Variants in GABRB3 observed in about 807,000 individuals in gnomAD.
The protein encoded by GABRB3 is gamma-aminobutyric acid receptor subunit beta-3.
GABRB3 carries 14 observed loss-of-function variants against 52.1 expected under a neutral mutation model. The observed-to-expected ratio is 0.27, with a 90% CI of 0.18 to 0.42. The LOEUF is 0.42. Ranked by LOEUF, GABRB3 falls within the 10% of genes least tolerant of loss-of-function variation. GABRB3 has a pLI of 1.00. For missense variants in GABRB3, 307 were observed against 609.1 expected (o/e 0.50, Z 5.22); for synonymous variants, 260 against 232.3 (o/e 1.12, Z -1.08).
intron 6 of GABRB3, among the ~76,000 whole-genome samples, chr15:26,568,841 A>T (rs1485464401): frequency 2.6e-5 from 4 of 152,004 alleles, no homozygotes; most frequent in Non-Finnish European, 5.9e-5. Context: ...GAGCAAGGCA[A>T]GTGTGGCCTT....
intron 4 of GABRB3, chr15:26,616,113 C>A: frequency 7.9e-7 from 1 of 1,269,448 alleles, no homozygotes; most frequent in Non-Finnish European, 1.0e-6. Flanking sequence ...CTGGCCCACT[C>A]CGGGCCTGCC....
At chr15:26,549,587 T>C (rs1439612939) in intron 8 of GABRB3, among the ~76,000 whole-genome samples, 1 of 152,142 alleles carries the variant, frequency 6.6e-6, no homozygotes, top group Admixed American at 6.5e-5. Flanking sequence ...TGGTGAGTTA[T>C]TTTCAGTTGC....
chr15:26,608,181 T>C (rs1056574875), intron 4 of GABRB3, among the ~76,000 whole-genome samples: 2 of 151,374 alleles, frequency 1.3e-5, no homozygotes, highest in African/African-American at 4.9e-5. Flanking sequence ...ACTTTCAATA[T>C]GATTTTTGCC....
intron 3 of GABRB3, among the ~76,000 whole-genome samples, chr15:26,771,535 G>A (rs1891143353): frequency 6.6e-6 from 1 of 152,176 alleles, no homozygotes; most frequent in South Asian, 2.1e-4. Context: ...TCCCTCCGCA[G>A]AAAACTAAAC....
chr15:26,725,889 A>G (rs532486291), intron 3 of GABRB3, among the ~76,000 whole-genome samples: 1 of 152,350 alleles, frequency 6.6e-6, no homozygotes, highest in East Asian at 1.9e-4. Context: ...TCACTATCTC[A>G]GCCACCCATG....
rs556390607 is a variant in GABRB3, at chr15:26,555,210, C to T, written c.1080+5722G>A. Reference sequence around the variant, plus strand: ...AAAACAAAACAAAACAAAAAACAACCAAGGAAAATGTCATGGAGGAAAACA... The same window carrying T: ...AAAACAAAACAAAACAAAAAACAACTAAGGAAAATGTCATGGAGGAAAACA... On this transcript the variant is annotated intron_variant, in intron 8 of 8. Transcript: ENST00000311550. Among the ~76,000 whole-genome samples the T allele has an allele frequency of 9.2e-5, 14 of 151,828 alleles. No individual in the cohort carries two copies. In the South Asian group the frequency reaches 2.7e-3, roughly 29 times the overall value.
upstream of GABRB3, chr15:26,773,615 C>A (rs1249415988): frequency 4.0e-5 from 61 of 1,537,050 alleles, no homozygotes; most frequent in Non-Finnish European, 5.2e-5. Flanking sequence ...CCGACGGTGC[C>A]TGCAGAACGC....
intron 3 of GABRB3, among the ~76,000 whole-genome samples, chr15:26,659,090 C>G (rs1887461725): frequency 6.6e-6 from 1 of 152,208 alleles, no homozygotes; most frequent in Non-Finnish European, 1.5e-5. Flanking sequence ...CCTTCAGATG[C>G]CTGTGATGGC....
chr15:26,773,504 C>T, upstream of GABRB3: 2 of 502,730 alleles, frequency 4.0e-6, no homozygotes, highest in East Asian at 3.8e-5. Context: ...CTACCCCGGC[C>T]GCCGAAGTTG....
intron 3 of GABRB3, among the ~76,000 whole-genome samples, chr15:26,687,235 A>G (rs768023536): frequency 1.1e-4 from 17 of 152,342 alleles, no homozygotes; most frequent in Non-Finnish European, 1.5e-4. Context: ...TATTTTAAGG[A>G]TATTTCACAA....
chr15:26,556,338 A>C (rs1056491751), intron 8 of GABRB3, among the ~76,000 whole-genome samples: 11 of 152,196 alleles, frequency 7.2e-5, no homozygotes, highest in African/African-American at 2.7e-4. Context: ...ATTTTCTTCC[A>C]GCTTCTAGTT....
intron 3 of GABRB3, among the ~76,000 whole-genome samples, chr15:26,634,692 C>T (rs1263423312): frequency 6.6e-6 from 1 of 151,868 alleles, no homozygotes; most frequent in Non-Finnish European, 1.5e-5. Flanking sequence ...TATAAGGGAG[C>T]AGATGTTCCA....
rs1491240523 is a variant in GABRB3, at chr15:26,554,173, A to ATAT, written c.1081-6040_1081-6039insATA. 1.5e-3 allele frequency among the ~76,000 whole-genome samples: 47 copies of ATAT among 31,386 alleles called. 3 individuals are homozygous for ATAT. Among genetic ancestry groups the ATAT allele is most frequent in the African/African-American group, 4.0e-3 (45 of 11,286 alleles). 20.6% of individuals were successfully genotyped at this position (31,386 alleles called of 152,430 possible). A position where few individuals can be genotyped will look rare whatever the true frequency, so the allele number is the denominator to read the frequency against. Reference sequence around the variant, plus strand: ...ATATATATATAAAGTATATATATATAAAGTATATATATATATACTATATAT... The same window carrying ATAT: ...ATATATATATAAAGTATATATATATATATAAGTATATATATATATACTATATAT... On this transcript the variant is annotated intron_variant, in intron 8 of 8. Transcript: ENST00000311550.
Position 26,664,509 on chromosome 15 carries a change from G to A in GABRB3, c.241-42975C>T, listed in dbSNP as rs558955089. On this transcript the variant is annotated intron_variant, in intron 3 of 8. Coordinates refer to ENST00000311550, the MANE Select transcript of GABRB3 (RefSeq NM_000814.6). ...TCAGTCTTGACTGTGTATGTTTCAC[G>A]GTGGAAAGAAATCATTTTTTTGCAT... Among the ~76,000 whole-genome samples the A allele has an allele frequency of 7.2e-5, 11 of 151,840 alleles. No individual in the cohort carries two copies. The East Asian group carries it at 9.7e-4, about 13-fold the overall frequency.
Position 26,554,182 on chromosome 15 carries a change from A to AG in GABRB3, c.1081-6049_1081-6048insC, listed in dbSNP as rs1567097732. Among the ~76,000 whole-genome samples the AG allele has an allele frequency of 2.8e-4, 8 of 28,634 alleles. 1 individual carries two copies. Among genetic ancestry groups the AG allele is most frequent in the African/African-American group, 1.4e-3 (8 of 5,552 alleles). The allele number at this position is 28,634 out of a possible 152,430, so 18.8% of individuals were successfully genotyped here. ...TAAAGTATATATATATAAAGTATAT[A>AG]TATATATACTATATATATATATATA... On this transcript the variant is annotated intron_variant, in intron 8 of 8. Transcript: ENST00000311550.
Position 26,664,001 on chromosome 15 carries a change from C to T in GABRB3, c.241-42467G>A, listed in dbSNP as rs560250152. Among the ~76,000 whole-genome samples the T allele has an allele frequency of 3.3e-5, 5 of 152,286 alleles. No homozygotes were observed. In the South Asian group the frequency reaches 8.3e-4, roughly 25 times the overall value. On this transcript the variant is annotated intron_variant, in intron 3 of 8. Transcript: ENST00000311550. ...TTTAAAAACTTGTCCTCTATTAAGT[C>T]CTTTTATTCTCCCATCTTTTAAAAT...
intron 4 of GABRB3, among the ~76,000 whole-genome samples, chr15:26,606,804 C>A (rs139903577): frequency 1.0e-3 from 43 of 42,806 alleles, no homozygotes; most frequent in Non-Finnish European, 1.7e-3. Context: ...ATAGATATAT[C>A]TATAGATAGA....
intron 3 of GABRB3, among the ~76,000 whole-genome samples, chr15:26,664,776 C>G (rs1488659330): frequency 7.1e-6 from 1 of 140,386 alleles, no homozygotes; most frequent in Non-Finnish European, 1.5e-5. Context: ...ACAATCTCAG[C>G]TCACCGCAAC....
chr15:26,608,405 T>A (rs1391186114), intron 4 of GABRB3, among the ~76,000 whole-genome samples: 1 of 152,074 alleles, frequency 6.6e-6, no homozygotes, highest in Non-Finnish European at 1.5e-5. Flanking sequence ...GGGTAATGAT[T>A]TTTAAAATTT....
Sources: allele counts gnomAD v4.1 joint callset (sites outside exome capture counted in the v4.1 genomes callset), GRCh38; gene constraint gnomAD v4.1.1; transcripts MANE v1.5; gene names NCBI Gene and HGNC (gene_info 2026-07-23, HGNC 2026-07-21).